Variants in ZZEF1 observed in about 807,000 individuals in gnomAD.
The protein encoded by ZZEF1 is zinc finger ZZ-type and EF-hand domain-containing protein 1.
A neutral mutation model predicts 342.8 loss-of-function variants in ZZEF1; 157 were observed. The ratio of observed to expected loss-of-function variants is 0.46; its 90% CI spans 0.40 to 0.52. The LOEUF is 0.52. ZZEF1 is among the 20% of genes least tolerant of loss of function. The pLI, the probability that ZZEF1 is intolerant of heterozygous loss-of-function variation, is 0.00. For missense variants in ZZEF1, 3,480 were observed against 3,725.6 expected (o/e 0.93, Z 1.72); for synonymous variants, 1,505 against 1,429.1 (o/e 1.05, Z -1.20).
At chr17:4,011,977 C>T (rs757450276) in intron 52 of ZZEF1, among the ~76,000 whole-genome samples, 10 of 152,304 alleles carry the variant, frequency 6.6e-5, no homozygotes, top group Non-Finnish European at 1.0e-4. Context: ...ATGAGGAGCA[C>T]GCATGAAAGA....
intron 33 of ZZEF1, among the ~76,000 whole-genome samples, chr17:4,054,808 CA>C (rs2057121856): frequency 6.6e-6 from 1 of 152,298 alleles, no homozygotes; most frequent in African/African-American, 2.4e-5. Flanking sequence ...AGCCTGGACT[CA>C]GTGAGACTGA....
chr17:4,133,511 C>A (rs9899313), intron 1 of ZZEF1, among the ~76,000 whole-genome samples: 23,427 of 151,962 alleles, frequency 0.15, 1,989 homozygotes, highest in African/African-American at 0.22. Context: ...AGCTGCTTTC[C>A]GCTCCTTTTG....
intron 12 of ZZEF1, 52 bp from the exon 13 acceptor site, chr17:4,088,945 T>C (rs1567831519): frequency 6.4e-7 from 1 of 1,572,672 alleles, no homozygotes; most frequent in Non-Finnish European, 8.7e-7. Flanking sequence ...CCCTGAATAT[T>C]GATTAAAGAG....
intron 6 of ZZEF1, among the ~76,000 whole-genome samples, chr17:4,108,987 A>T (rs1324822925): frequency 1.3e-5 from 2 of 152,226 alleles, no homozygotes; most frequent in African/African-American, 4.8e-5. Context: ...CTGAATCTGC[A>T]CAATACTAAT....
chr17:4,067,968 C>T (rs943444612), intron 26 of ZZEF1, among the ~76,000 whole-genome samples: 1 of 152,102 alleles, frequency 6.6e-6, no homozygotes, highest in Non-Finnish European at 1.5e-5. Flanking sequence ...GTCCTAGCTA[C>T]TAGGGAGGCT....
intron 29 of ZZEF1, among the ~76,000 whole-genome samples, chr17:4,063,868 T>G (rs1043372076): frequency 3.3e-5 from 5 of 151,946 alleles, no homozygotes; most frequent in African/African-American, 1.2e-4. Flanking sequence ...GCTGGGATTA[T>G]AGGCATCCAC....
intron 7 of ZZEF1, among the ~76,000 whole-genome samples, chr17:4,105,457 T>C (rs1156276449): frequency 6.6e-6 from 1 of 152,162 alleles, no homozygotes; most frequent in Non-Finnish European, 1.5e-5. Flanking sequence ...ACAGGACTAC[T>C]CCCCTTGGGC....
At chr17:4,137,357 T>C (rs1321874883) in intron 1 of ZZEF1, among the ~76,000 whole-genome samples, 2 of 152,146 alleles carry the variant, frequency 1.3e-5, no homozygotes, top group Non-Finnish European at 2.9e-5. Context: ...ATGCCTGTAA[T>C]CCCAGCACTT....
At position 4,017,167 on chromosome 17, in the gene ZZEF1, G is replaced by T; in HGVS notation, c.8001+204C>A. ...GCGACAAAGCTTTCTGGTTCAGCTG[G>T]AAATCGCGCTCAGGGCCCCTGAGTT... On this transcript the variant is annotated intron_variant, in intron 48 of 54. Coordinates refer to ENST00000381638, the MANE Select transcript of ZZEF1 (RefSeq NM_015113.4). This position sits in a 1 kb window ranked among gnomAD's most constrained non-coding sequence, Gnocchi z 5.1. The T allele has an allele frequency of 1.6e-6, 1 of 642,892 alleles. No individual in the cohort carries two copies. Among genetic ancestry groups the T allele is most frequent in the South Asian group, 2.5e-5 (1 of 39,406 alleles). The allele number at this position is 642,892 out of a possible 1,614,324, so 39.8% of individuals were successfully genotyped here.
At chr17:4,115,398 C>T (rs1299908364) in intron 3 of ZZEF1, among the ~76,000 whole-genome samples, 1 of 152,162 alleles carries the variant, frequency 6.6e-6, no homozygotes, top group African/African-American at 2.4e-5. Context: ...CTCAGTGGCT[C>T]ACACCTGTAA....
At chr17:4,140,141 A>G (rs182207834) in intron 1 of ZZEF1, among the ~76,000 whole-genome samples, 1 of 152,218 alleles carries the variant, frequency 6.6e-6, no homozygotes, top group East Asian at 1.9e-4. Context: ...TCAATCTTGG[A>G]CTGCCTACCT....
intron 12 of ZZEF1, 32 bp downstream of exon 12, chr17:4,090,687 G>A (rs759361555): frequency 2.6e-6 from 4 of 1,535,380 alleles, no homozygotes; most frequent in South Asian, 1.1e-5. Context: ...AATAAAAGGA[G>A]GGGAGTGGGC....
intron 32 of ZZEF1, chr17:4,056,858 G>C (rs2057172193): frequency 6.6e-6 from 1 of 152,120 alleles, no homozygotes; most frequent in Admixed American, 6.5e-5. Context: ...GGTGCATTCA[G>C]GGTGGTATGG....
intron 53 of ZZEF1, 143 bp from the exon 54 acceptor site, chr17:4,009,097 G>C: frequency 9.7e-7 from 1 of 1,026,012 alleles, no homozygotes; most frequent in Non-Finnish European, 1.4e-6. Flanking sequence ...GCGTGGCACT[G>C]CCTTGCTCAG....
chr17:4,068,969 C>T (rs1322543454), intron 26 of ZZEF1, among the ~76,000 whole-genome samples: 8 of 152,198 alleles, frequency 5.3e-5, no homozygotes, highest in African/African-American at 1.7e-4. Flanking sequence ...ATCTATATCA[C>T]AAAGGCAGAG....
At chr17:4,123,281 ATATAT>A (rs2058516708) in intron 2 of ZZEF1, among the ~76,000 whole-genome samples, 1 of 93,092 alleles carries the variant, frequency 1.1e-5, no homozygotes, top group African/African-American at 4.1e-5. Context: ...ATATATATAT[ATATAT>A]ATATATATAT....
At chr17:4,021,093 G>A in intron 45 of ZZEF1, 36 bp downstream of exon 45, 1 of 1,548,740 alleles carries the variant, frequency 6.5e-7, no homozygotes. Context: ...TCCCTCAGAA[G>A]CCCCTCCTAA....
At chr17:4,056,421 G>A (rs1463119370) in intron 32 of ZZEF1, 76 bp from the exon 33 acceptor site, 32 of 1,414,722 alleles carry the variant, frequency 2.3e-5, no homozygotes, top group African/African-American at 4.4e-5. Context: ...CAGACCCTGT[G>A]TCTATAGGTC....
chr17:4,019,561 TGTCGGAGC>T lies in ZZEF1; in HGVS notation c.7505+100_7505+107del. 5.1e-6 allele frequency: 5 copies of T among 976,108 alleles called. 1 individual carries two copies. The highest frequency in any genetic ancestry group is 4.4e-5 in the South Asian group (3 of 68,432). 60.5% of individuals were successfully genotyped at this position (976,108 alleles called of 1,614,324 possible). A position where few individuals can be genotyped will look rare whatever the true frequency, so the allele number is the denominator to read the frequency against. On this transcript the variant is annotated intron_variant, in intron 46 of 54. Transcript: ENST00000381638. ...AAGGACTAGCAACTGCTTCCCGGCCTGTCGGAGCGTCGATCGATCCAGAAGCTGCTGCC... is the reference window on the plus strand; with the variant it reads ...AAGGACTAGCAACTGCTTCCCGGCCTGTCGATCGATCCAGAAGCTGCTGCC...
Sources: allele counts gnomAD v4.1 joint callset (sites outside exome capture counted in the v4.1 genomes callset), GRCh38; gene constraint gnomAD v4.1.1; non-coding constraint Gnocchi (gnomAD v3.1); transcripts MANE v1.5; gene names NCBI Gene and HGNC (gene_info 2026-07-23, HGNC 2026-07-21).